Variants in PACRG observed in about 807,000 individuals in gnomAD.
The protein encoded by PACRG is parkin coregulated gene protein.
Under a neutral mutation model 29.7 loss-of-function variants are expected in PACRG, and 29 were observed. The observed-to-expected ratio is 0.98, with a 90% confidence interval of 0.73 to 1.33. The LOEUF is 1.33. PACRG is among the 40% of genes most tolerant of loss of function. The pLI, the probability that PACRG is intolerant of heterozygous loss-of-function variation, is 0.00. For synonymous variants in PACRG, 116 were observed against 118.7 expected, an observed-to-expected ratio of 0.98 and a Z score of 0.15; for missense variants, 279 against 316.2, an observed-to-expected ratio of 0.88 and a Z score of 0.89.
At chr6:162,855,219 T>C (rs1002522816) in intron 2 of PACRG, among the ~76,000 whole-genome samples, 2 of 152,178 alleles carry the variant, frequency 1.3e-5, no homozygotes, top group African/African-American at 4.8e-5. Flanking sequence ...AAGGATTAGG[T>C]GGAGGAGTGC....
chr6:163,280,394 CTGGTAGGGGTTAT>C (rs554059251), intron 4 of PACRG, among the ~76,000 whole-genome samples: 1,696 of 152,300 alleles, frequency 0.011, 32 homozygotes, highest in African/African-American at 0.039. Flanking sequence ...GCATCTTGAG[CTGGTAGGGGTTAT>C]ACTGTGCACC....
chr6:162,872,683 G>T (rs917971528), intron 2 of PACRG, among the ~76,000 whole-genome samples: 1 of 152,092 alleles, frequency 6.6e-6, no homozygotes, highest in African/African-American at 2.4e-5. Context: ...TCTATAATTG[G>T]ATTATTTTTG....
Position 162,756,738 on chromosome 6 carries a change from A to G in PACRG, c.156+28347A>G, listed in dbSNP as rs913817537. 2.6e-5 allele frequency among the ~76,000 whole-genome samples: 4 copies of G among 151,754 alleles called. No individual in the cohort carries two copies. The South Asian group carries it at 6.3e-4, about 24-fold the overall frequency. On this transcript the variant is annotated intron_variant, in intron 1 of 4. Transcript: ENST00000366888. ...TTCCCTTTTTACTTTCTCTCTTGCT[A>G]TCTTTCTTTGTGGTTTGATAGTTTT...
intron 2 of PACRG, among the ~76,000 whole-genome samples, chr6:162,872,058 C>T (rs905794627): frequency 3.9e-5 from 6 of 152,104 alleles, no homozygotes; most frequent in African/African-American, 1.4e-4. Context: ...AATTTTGATT[C>T]TAACAATAAC....
intron 3 of PACRG, among the ~76,000 whole-genome samples, chr6:163,087,783 C>A (rs1022313968): frequency 2.7e-5 from 4 of 148,048 alleles, no homozygotes; most frequent in Admixed American, 2.0e-4. Flanking sequence ...GAGAGTGAGA[C>A]CAGAGGAGAG....
At chr6:163,057,765 T>A (rs927325115) in intron 2 of PACRG, among the ~76,000 whole-genome samples, 2 of 152,228 alleles carry the variant, frequency 1.3e-5, no homozygotes, top group African/African-American at 4.8e-5. Context: ...CAAATTCCTC[T>A]CTTCTTGAAT....
At chr6:162,731,915 G>A (rs1779800106) in intron 1 of PACRG, among the ~76,000 whole-genome samples, 1 of 152,024 alleles carries the variant, frequency 6.6e-6, no homozygotes, top group Admixed American at 6.6e-5. Flanking sequence ...CAGGAGGTTG[G>A]GCAGCATTCC....
At chr6:162,870,700 T>G (rs1433007973) in intron 2 of PACRG, among the ~76,000 whole-genome samples, 2 of 152,204 alleles carry the variant, frequency 1.3e-5, no homozygotes, top group Non-Finnish European at 2.9e-5. Flanking sequence ...CTCTGGTTTA[T>G]CCATATATTA....
At position 163,066,833 on chromosome 6, in the gene PACRG, C is replaced by T. The variant is rs145109537; in HGVS notation, c.463+4512C>T. ...AGATATATTGGAATAAATAAAAAAGCAGAAGTCGTGATTTTAATTTTAGAA... is the reference window on the plus strand; with the variant it reads ...AGATATATTGGAATAAATAAAAAAGTAGAAGTCGTGATTTTAATTTTAGAA... On this transcript the variant is annotated intron_variant, in intron 3 of 4. Transcript: ENST00000366888. Among the ~76,000 whole-genome samples the T allele has an allele frequency of 1.6e-3, 244 of 152,164 alleles. 1 individual carries two copies. The highest frequency in any genetic ancestry group is 5.5e-3 in the African/African-American group (228 of 41,524).
chr6:163,014,438 T>C (rs1805895741), intron 2 of PACRG, among the ~76,000 whole-genome samples: 1 of 152,214 alleles, frequency 6.6e-6, no homozygotes, highest in South Asian at 2.1e-4. Context: ...CCAAACTGTT[T>C]TCCACAGTGG....
At chr6:163,102,068 T>C (rs529012452) in intron 4 of PACRG, among the ~76,000 whole-genome samples, 1 of 152,238 alleles carries the variant, frequency 6.6e-6, no homozygotes, top group South Asian at 2.1e-4. Context: ...CCTCGCCCGG[T>C]GAACCTGAAT....
At chr6:162,815,215 C>T (rs759309472) in intron 2 of PACRG, among the ~76,000 whole-genome samples, 2 of 152,022 alleles carry the variant, frequency 1.3e-5, no homozygotes, top group African/African-American at 2.4e-5. Flanking sequence ...GCAATTGACA[C>T]ATTTAACTGG....
At chr6:162,887,274 G>T (rs1229300827) in intron 2 of PACRG, among the ~76,000 whole-genome samples, 1 of 152,192 alleles carries the variant, frequency 6.6e-6, no homozygotes, top group Non-Finnish European at 1.5e-5. Flanking sequence ...TTGAATGGTT[G>T]CTTTCCATCT....
At chr6:162,741,609 G>A (rs533949608) in intron 1 of PACRG, among the ~76,000 whole-genome samples, 1 of 152,068 alleles carries the variant, frequency 6.6e-6, no homozygotes, top group East Asian at 1.9e-4. Flanking sequence ...TACCCCCAAA[G>A]CCCCATCTTA....
At chr6:163,134,382 T>C (rs1213352361) in intron 4 of PACRG, among the ~76,000 whole-genome samples, 1 of 152,198 alleles carries the variant, frequency 6.6e-6, no homozygotes, top group Non-Finnish European at 1.5e-5. Context: ...CTGCACACTG[T>C]GGGTTCACCA....
intron 1 of PACRG, among the ~76,000 whole-genome samples, chr6:162,745,065 A>G (rs962908328): frequency 9.9e-5 from 15 of 152,132 alleles, no homozygotes; most frequent in African/African-American, 2.9e-4. Flanking sequence ...TATACATTCA[A>G]TGGATAACTT....
chr6:162,846,299 C>T (rs886841186), intron 2 of PACRG, among the ~76,000 whole-genome samples: 3 of 152,220 alleles, frequency 2.0e-5, no homozygotes, highest in Non-Finnish European at 4.4e-5. Flanking sequence ...CAGTGCAGAG[C>T]TTGGTCCAGG....
At chr6:162,866,650 C>T (rs963037523) in intron 2 of PACRG, among the ~76,000 whole-genome samples, 1 of 152,156 alleles carries the variant, frequency 6.6e-6, no homozygotes, top group East Asian at 1.9e-4. Context: ...ATGCTGATTT[C>T]CAATTCCCCT....
chr6:163,248,485 T>C (rs559196470), intron 4 of PACRG, among the ~76,000 whole-genome samples: 3 of 152,166 alleles, frequency 2.0e-5, no homozygotes, highest in Admixed American at 1.3e-4. Flanking sequence ...ATTCTAATAT[T>C]TTCCCCAATA....
Sources: allele counts gnomAD v4.1 joint callset (sites outside exome capture counted in the v4.1 genomes callset), GRCh38; gene constraint gnomAD v4.1.1; transcripts MANE v1.5; gene names NCBI Gene and HGNC (gene_info 2026-07-23, HGNC 2026-07-21).